Variants in MYO15A observed in about 807,000 individuals in gnomAD.
The protein encoded by MYO15A is unconventional myosin-XV.
A neutral mutation model predicts 394.6 loss-of-function variants in MYO15A; 308 were observed. The ratio of observed to expected loss-of-function variants is 0.78; its 90% CI spans 0.71 to 0.86. The LOEUF (loss-of-function observed/expected upper bound fraction) is 0.86. Among genes scored for constraint, MYO15A ranks in the 40% least tolerant of loss-of-function variants. The pLI, the probability that MYO15A is intolerant of heterozygous loss-of-function variation, is 0.00. For missense variants in MYO15A, 4,606 were observed against 4,799.1 expected (o/e 0.96, Z 1.19); for synonymous variants, 1,957 against 2,003.8 (o/e 0.98, Z 0.62).
intron 12 of MYO15A, 99 bp downstream of exon 12, chr17:18,133,485 C>A: frequency 6.9e-7 from 1 of 1,449,648 alleles, no homozygotes; most frequent in Non-Finnish European, 9.3e-7. Context: ...ACACTATGCA[C>A]ATATCACTTG....
chr17:18,151,439 G>A lies in MYO15A; in HGVS notation c.7699G>A (p.Glu2567Lys), dbSNP rs752731697. 1.5e-5 allele frequency: 24 copies of A among 1,614,136 alleles called. No individual in the cohort carries two copies. The South Asian group carries it at 2.2e-4, about 15-fold the overall frequency. The change falls in exon 40 of 66, where the codon GAG becomes AAG. Residue 2567 changes from glutamate to lysine, a missense_variant. Physicochemically the swap from Glu to Lys is moderately conservative, Grantham distance 56. Transcript: ENST00000647165. ...GGTCCGGTACTCTACGCTCAACTCT[G>A]AGCACTTCCCACAGCCCACACAGCA... ...ELVRYSTLNS[E>K]HFPQPTQQIK...
At position 18,119,148 on chromosome 17, in the gene MYO15A, CTACGGCCG is replaced by C. The variant is rs757382275; in HGVS notation, c.349_356del (p.Tyr117ProfsTer108). ...TGATCCGCTTCCCAGGCCGCCGTGG[CTACGGCCG>C]CCTGCGGCCGCGCGCCCGGTCACTC... On this transcript the variant is annotated frameshift_variant, in exon 2 of 66. Transcript: ENST00000647165. LOFTEE classifies it high-confidence loss of function. 6.2e-7 allele frequency: 1 copy of C among 1,608,228 alleles called. No homozygotes were observed. The highest frequency in any genetic ancestry group is 1.7e-5 in the Admixed American group (1 of 59,870).
rs754982173 is a variant in MYO15A at position 18,142,843 on chromosome 17, A to G, written c.5910+3A>G. On this transcript the variant is annotated splice_donor_region_variant and intron_variant, in intron 25 of 65. Transcript: ENST00000647165. ...TGAGCCGCCGACGCTATCTCAAGGT[A>G]TAGGCCCTACCCTATCTGGGTCCAA... 1.9e-6 allele frequency: 3 copies of G among 1,609,514 alleles called. No individual in the cohort carries two copies. The highest frequency in any genetic ancestry group is 2.5e-6 in the Non-Finnish European group (3 of 1,178,140).
In MYO15A at chr17:18,164,090, A is replaced by G. The variant is rs854804; in HGVS notation, c.9787+252A>G. ...CTCATCCCTCCCTTTGTCCCTCAGG[A>G]CATGCTCAATGTGAGGACACAGGCC... On this transcript the variant is annotated intron_variant, in intron 60 of 65. Coordinates refer to ENST00000647165, the MANE Select transcript of MYO15A (RefSeq NM_016239.4). The G allele has an allele frequency of 0.57, 307,104 of 541,574 alleles. 92,446 individuals carry two copies. Among genetic ancestry groups the G allele is most frequent in the African/African-American group, 0.67 (35,483 of 52,740 alleles). The allele number at this position is 541,574 out of a possible 1,614,324, so 33.5% of individuals were successfully genotyped here.
Position 18,146,089 on chromosome 17 carries a change from TCAA to T in MYO15A, c.6495_6497del (p.Asn2165del). On this transcript the variant is annotated inframe_deletion, in exon 30 of 66. Coordinates refer to ENST00000647165, the MANE Select transcript of MYO15A (RefSeq NM_016239.4). ...AGTGGCTTTGCACCTTCCCCGTGCT[TCAA>T]CAAGTACCTTCTCAAGTGAGTGGGA... 6.2e-7 allele frequency: 1 copy of T among 1,613,914 alleles called. No homozygotes were observed. Among genetic ancestry groups the T allele is most frequent in the South Asian group, 1.1e-5 (1 of 91,070 alleles).
rs1423809264 is a variant in MYO15A at position 18,119,381 on chromosome 17, G to A, written c.581G>A (p.Arg194His). Residue 194 changes from arginine (R) to histidine (H), a missense_variant, in exon 2 of 66, where the codon CGC (arginine) becomes CAC (histidine). Physicochemically the swap from Arg to His is conservative, Grantham distance 29 (BLOSUM62 0). Around this residue, in one of 2 missense-constraint regions of MYO15A, gnomAD observed 1,830 missense variants for 1,689.7 expected, o/e 1.08. Coordinates refer to ENST00000647165, the MANE Select transcript of MYO15A (RefSeq NM_016239.4). ...CGGCTCCGGAGGTTCCCCCGCAGCCGCAGCATCTACGCGTCAGGCGAGCCC... is the reference window on the plus strand; with the variant it reads ...CGGCTCCGGAGGTTCCCCCGCAGCCACAGCATCTACGCGTCAGGCGAGCCC... ...GGRLRRFPRS[R>H]SIYASGEPLG... 4.3e-6 allele frequency: 7 copies of A among 1,610,252 alleles called. No homozygotes were observed. Among genetic ancestry groups the A allele is most frequent in the Admixed American group, 3.3e-5 (2 of 59,972 alleles).
At chr17:18,114,247 T>C (rs2045758036) in intron 1 of MYO15A, among the ~76,000 whole-genome samples, 1 of 130,024 alleles carries the variant, frequency 7.7e-6, no homozygotes, top group African/African-American at 3.0e-5. Flanking sequence ...CTGTCTTTTT[T>C]TTTTTTTTTT....
In MYO15A at chr17:18,126,787, C is replaced by G. The variant is rs1323926653; in HGVS notation, c.3867-4C>G. The G allele has an allele frequency of 1.1e-5, 18 of 1,614,002 alleles. No homozygotes were observed. The highest frequency in any genetic ancestry group is 1.5e-5 in the Non-Finnish European group (18 of 1,180,028). On this transcript the variant is annotated splice_polypyrimidine_tract_variant and splice_region_variant and intron_variant, in intron 5 of 65. Coordinates refer to ENST00000647165, the MANE Select transcript of MYO15A (RefSeq NM_016239.4). ...GGGCCAGCTCTAATGACCTGTCTCC[C>G]CAGGCACCTCTTTGCTGTTGCAAAT... is the stretch of plus-strand genomic sequence containing the variant.
chr17:18,115,045 G>A (rs2045767275), intron 1 of MYO15A, among the ~76,000 whole-genome samples: 1 of 152,154 alleles, frequency 6.6e-6, no homozygotes, highest in South Asian at 2.1e-4. Context: ...TGCTCTGTCT[G>A]CAGCCTTCCT....
Position 18,150,401 on chromosome 17 carries a change from G to A in MYO15A, c.7213-28G>A, listed in dbSNP as rs1276894299. 1 of 1,595,816 alleles carries A rather than the reference G, an allele frequency of 6.3e-7. No homozygotes were observed. Among genetic ancestry groups the A allele is most frequent in the Non-Finnish European group, 8.6e-7 (1 of 1,163,666 alleles). On this transcript the variant is annotated intron_variant, in intron 35 of 65. Coordinates refer to ENST00000647165, the MANE Select transcript of MYO15A (RefSeq NM_016239.4). The surrounding 1 kb of genome is among the most constrained non-coding windows in gnomAD (Gnocchi z 4.4). ...AACCTTGGGAGTACAATAATGAGAT[G>A]GTCACTTGAGCCACCCACTGCCCCC... is the stretch of plus-strand genomic sequence containing the variant.
At chr17:18,149,140 C>T in intron 33 of MYO15A, 76 bp from the exon 34 acceptor site, 1 of 1,581,600 alleles carries the variant, frequency 6.3e-7, no homozygotes, top group Admixed American at 1.8e-5. Context: ...CACTGAATAC[C>T]AGGGTGCAGA....
Position 18,119,003 on chromosome 17 carries a change from A to T in MYO15A, c.203A>T (p.Gln68Leu). Reference protein sequence around the residue: ...AFFWGLHTGPQKTKRKRKART... With the variant: ...AFFWGLHTGPLKTKRKRKART... ...TTCTGGGGCCTCCACACCGGCCCCC[A>T]GAAGACCAAGCGCAAGAGGAAGGCC... The change falls in exon 2 of 66, where the codon CAG becomes CTG. Residue 68 changes from glutamine (Q) to leucine (L), a missense_variant. Physicochemically the swap from Gln to Leu is moderately radical, Grantham distance 113. Coordinates refer to ENST00000647165, the MANE Select transcript of MYO15A (RefSeq NM_016239.4). The T allele has an allele frequency of 6.2e-7, 1 of 1,612,826 alleles. No homozygotes were observed. The highest frequency in any genetic ancestry group is 8.5e-7 in the Non-Finnish European group (1 of 1,179,910).
In MYO15A at chr17:18,149,482, C is replaced by T. The variant is rs572748657; in HGVS notation, c.7118-4C>T. On this transcript the variant is annotated splice_polypyrimidine_tract_variant and splice_region_variant and intron_variant, in intron 34 of 65. Coordinates refer to ENST00000647165, the MANE Select transcript of MYO15A (RefSeq NM_016239.4). ...ACTTGACATTTTTGTGCCTTCCCCTCCAGAGTCAGACAGTCTTGGAGAGCC... is the reference window on the plus strand; with the variant it reads ...ACTTGACATTTTTGTGCCTTCCCCTTCAGAGTCAGACAGTCTTGGAGAGCC... 1 of 1,614,160 alleles carries T rather than the reference C, an allele frequency of 6.2e-7. No individual in the cohort carries two copies. Among genetic ancestry groups the T allele is most frequent in the East Asian group, 2.2e-5 (1 of 44,884 alleles).
Position 18,126,969 on chromosome 17 carries a change from C to T in MYO15A, c.3941+104C>T, listed in dbSNP as rs143363422. ...GACCTTGGAAGATTGCCTGGTACCTCTGGGTTGGCCCACCGTACATATCCT... is the reference window on the plus strand; with the variant it reads ...GACCTTGGAAGATTGCCTGGTACCTTTGGGTTGGCCCACCGTACATATCCT... On this transcript the variant is annotated intron_variant, in intron 6 of 65. Transcript: ENST00000647165. 2.5e-6 allele frequency: 4 copies of T among 1,594,390 alleles called. No homozygotes were observed. In the African/African-American group the frequency reaches 4.0e-5, roughly 16 times the overall value.
At chr17:18,145,777 C>G in intron 29 of MYO15A, 95 bp from the exon 30 acceptor site, 1 of 1,045,268 alleles carries the variant, frequency 9.6e-7, no homozygotes, top group Non-Finnish European at 1.5e-6. Context: ...GGCAGGGGCA[C>G]ACATGGGAGG....
intron 16 of MYO15A, 114 bp downstream of exon 16, chr17:18,137,793 T>A: frequency 8.2e-7 from 1 of 1,224,730 alleles, no homozygotes; most frequent in Non-Finnish European, 1.2e-6. Flanking sequence ...CAGTAGACAG[T>A]AGAGGGAAAG....
chr17:18,136,516 C>G (rs755924901), intron 14 of MYO15A, 41 bp downstream of exon 14: 3 of 1,613,820 alleles, frequency 1.9e-6, no homozygotes, highest in Non-Finnish European at 1.7e-6. Flanking sequence ...CGAGGCCCAG[C>G]ACCCCACCAC....
chr17:18,150,828 C>T lies in MYO15A; in HGVS notation c.7396-8C>T. On this transcript the variant is annotated splice_polypyrimidine_tract_variant and splice_region_variant and intron_variant, in intron 37 of 65. Coordinates refer to ENST00000647165, the MANE Select transcript of MYO15A (RefSeq NM_016239.4). This position sits in a 1 kb window ranked among gnomAD's most constrained non-coding sequence, Gnocchi z 4.4. ...ACCTGCCTGGTCACCACTGCCACCT[C>T]TCCCCAGGCCCGGGAGATGACCCTG... 2.5e-6 allele frequency: 4 copies of T among 1,591,266 alleles called. No homozygotes were observed. Among genetic ancestry groups the T allele is most frequent in the Non-Finnish European group, 3.4e-6 (4 of 1,168,698 alleles).
chr17:18,142,343 C>CCCTAAGCAG, intron 24 of MYO15A, 89 bp downstream of exon 24: 1 of 1,449,734 alleles, frequency 6.9e-7, no homozygotes, highest in Non-Finnish European at 9.5e-7. Flanking sequence ...AGCTCCCTAT[C>CCCTAAGCAG]CCTGGAGGCA....
Sources: gnomAD v4.1 joint callset for allele counts (sites outside exome capture counted in the v4.1 genomes callset) on GRCh38, gnomAD v4.1.1 for gene constraint, gnomAD v4.1.1 regional missense constraint, Gnocchi (gnomAD v3.1) non-coding constraint, MANE v1.5 for transcripts, NCBI Gene and HGNC (gene_info 2026-07-23, HGNC 2026-07-21) for gene names.